The following LPIN1 variants were observed in gnomAD, a reference collection of about 807,000 sequenced individuals.
The protein encoded by LPIN1 is phosphatidate phosphatase LPIN1.
Under a neutral mutation model 107.5 loss-of-function variants are expected in LPIN1, and 71 were observed. That is an observed-to-expected ratio of 0.66 (90% CI 0.55 to 0.80). LPIN1 has a LOEUF of 0.80. Among genes scored for constraint, LPIN1 ranks in the 30% least tolerant of loss-of-function variants. The probability of loss-of-function intolerance (pLI) is 0.00; values close to 1 mark genes in which losing one functional copy is unlikely to be tolerated. For synonymous variants in LPIN1, 445 were observed against 452.6 expected (o/e 0.98, Z 0.21); for missense variants, 1,043 against 1,160.6 (o/e 0.90, Z 1.47).
intron 1 of LPIN1, among the ~76,000 whole-genome samples, chr2:11,754,229 C>A (rs373459063): frequency 6.6e-6 from 1 of 152,208 alleles, no homozygotes; most frequent in Non-Finnish European, 1.5e-5. Context: ...AAGGGGCACC[C>A]CATCCCAGAG....
intron 1 of LPIN1, among the ~76,000 whole-genome samples, chr2:11,677,886 C>T (rs970865439): frequency 3.3e-5 from 5 of 152,260 alleles, no homozygotes; most frequent in African/African-American, 9.6e-5. Flanking sequence ...GATAGGTGAC[C>T]GGCCCCGCTT....
chr2:11,744,724 T>C (rs1315248452), upstream of LPIN1, among the ~76,000 whole-genome samples: 3 of 152,332 alleles, frequency 2.0e-5, no homozygotes, highest in East Asian at 1.9e-4. Context: ...AGTAGACTTC[T>C]TCCCAGGCCA....
chr2:11,818,831 A>G (rs1681036882), intron 18 of LPIN1: 1 of 152,118 alleles, frequency 6.6e-6, no homozygotes, highest in Admixed American at 6.5e-5. Flanking sequence ...GTTAAATTGT[A>G]TCAAATCCTC....
upstream of LPIN1, among the ~76,000 whole-genome samples, chr2:11,719,840 C>T (rs967489275): frequency 9.0e-5 from 13 of 143,918 alleles, no homozygotes; most frequent in African/African-American, 2.8e-4. Flanking sequence ...CATGGATTAG[C>T]GACAGGCACT....
chr2:11,740,901 C>T, intron 1 of LPIN1: 1 of 153,798 alleles, frequency 6.5e-6, no homozygotes, highest in Non-Finnish European at 1.4e-5. Flanking sequence ...GAACAGGGAA[C>T]CACTTAGCTG....
In LPIN1 at chr2:11,803,026, A is replaced by AGCAGCTTGTGAGTCTCCCATGCTTG. The variant is rs1678050052; in HGVS notation, c.2009_2013+20dup. 1 of 1,612,434 alleles carries AGCAGCTTGTGAGTCTCCCATGCTTG rather than the reference A, an allele frequency of 6.2e-7. No homozygotes were observed. The highest frequency in any genetic ancestry group is 8.5e-7 in the Non-Finnish European group (1 of 1,180,022). ...AAGAAGACTCTCCGGCTGACTTCCG[A>AGCAGCTTGTGAGTCTCCCATGCTTG]GCAGCTTGTGAGTCTCCCATGCTTG... is the stretch of plus-strand genomic sequence containing the variant. On this transcript the variant is annotated frameshift_variant, in exon 15 of 21. Coordinates refer to ENST00000674199, the MANE Select transcript of LPIN1 (RefSeq NM_001349206.2). LOFTEE classifies it high-confidence loss of function. This position sits in a 1 kb window ranked among gnomAD's most constrained non-coding sequence, Gnocchi z 4.2.
intron 14 of LPIN1, 104 bp from the exon 15 acceptor site, chr2:11,802,803 C>T: frequency 7.3e-7 from 1 of 1,366,294 alleles, no homozygotes. Context: ...AGACGGGACT[C>T]AGGAGAGACT....
chr2:11,765,282 C>CTGATGGGCTG lies in LPIN1; in HGVS notation c.-9-242_-9-233dup, dbSNP rs1242520687. On this transcript the variant is annotated intron_variant, in intron 1 of 20. Coordinates refer to ENST00000674199, the MANE Select transcript of LPIN1 (RefSeq NM_001349206.2). This position sits in a 1 kb window ranked among gnomAD's most constrained non-coding sequence, Gnocchi z 4.4. ...GGACCCTGATGGGCCGTGATGGACC[C>CTGATGGGCTG]TGATGGGCTGTGATGGGCCGTGATG... is the stretch of plus-strand genomic sequence containing the variant. 7.0e-6 allele frequency among the ~76,000 whole-genome samples: 1 copy of CTGATGGGCTG among 143,032 alleles called. No individual in the cohort carries two copies. Among genetic ancestry groups the CTGATGGGCTG allele is most frequent in the Non-Finnish European group, 1.5e-5 (1 of 65,508 alleles). 93.8% of individuals were successfully genotyped at this position (143,032 alleles called of 152,430 possible). A position where few individuals can be genotyped will look rare whatever the true frequency, so the allele number is the denominator to read the frequency against.
Position 11,784,161 on chromosome 2 carries a change from G to A in LPIN1, c.1358+239G>A. 3 of 751,588 alleles carry A rather than the reference G, an allele frequency of 4.0e-6. No individual in the cohort carries two copies. In the South Asian group the frequency reaches 5.4e-5, roughly 14 times the overall value. 46.6% of individuals were successfully genotyped at this position (751,588 alleles called of 1,614,324 possible). ...TCTACTGAAAATACCAAAATTGGCT[G>A]CACGTGCTGGCATGCACCTGTAATC... On this transcript the variant is annotated intron_variant, in intron 9 of 20. Coordinates refer to ENST00000674199, the MANE Select transcript of LPIN1 (RefSeq NM_001349206.2).
chr2:11,691,084 G>T (rs59246568), intron 1 of LPIN1, among the ~76,000 whole-genome samples: 24,996 of 140,400 alleles, frequency 0.18, 2,770 homozygotes, highest in South Asian at 0.26. Context: ...TCTTGTTGTG[G>T]TTTTTTTTTT....
rs374657618 is a variant in LPIN1 at position 11,691,264 on chromosome 2, G to A, written c.81+13536G>A. ...CTTATAACAGCACTTCCAAGCTCCCGTCTTACAGTGATATGGGGAAATCTG... is the reference window on the plus strand; with the variant it reads ...CTTATAACAGCACTTCCAAGCTCCCATCTTACAGTGATATGGGGAAATCTG... On this transcript the variant is annotated intron_variant, in intron 1 of 21. Coordinates refer to the LPIN1 transcript ENST00000449576. Among the ~76,000 whole-genome samples, 27 of 152,164 alleles carry A rather than the reference G, an allele frequency of 1.8e-4. No homozygotes were observed. In the East Asian group the frequency reaches 3.9e-3, roughly 22 times the overall value.
At chr2:11,704,552 G>A (rs1224960134) in intron 1 of LPIN1, among the ~76,000 whole-genome samples, 1 of 152,182 alleles carries the variant, frequency 6.6e-6, no homozygotes, top group Non-Finnish European at 1.5e-5. Flanking sequence ...ACTAAATCTA[G>A]TTATATCTAG....
At chr2:11,714,473 GA>G (rs1303044509) in intron 2 of LPIN1, among the ~76,000 whole-genome samples, 1 of 152,148 alleles carries the variant, frequency 6.6e-6, no homozygotes, top group East Asian at 1.9e-4. Flanking sequence ...TGGGTGGGGG[GA>G]TATTTTGTTT....
At chr2:11,753,930 A>G (rs888018105) in intron 1 of LPIN1, among the ~76,000 whole-genome samples, 16 of 152,218 alleles carry the variant, frequency 1.1e-4, no homozygotes, top group African/African-American at 3.6e-4. Flanking sequence ...AACACCAGTA[A>G]CAGCGTGATG....
In LPIN1 at chr2:11,791,302, A is replaced by G. The variant is rs1675678684; in HGVS notation, c.1714-612A>G. ...TTGGTCCTGGAATTAACCTCAAGAT[A>G]GATAGGTATTTTGTTCTTTGGAAAA... On this transcript the variant is annotated intron_variant, in intron 12 of 20. Transcript: ENST00000674199. 4.6e-5 allele frequency among the ~76,000 whole-genome samples: 7 copies of G among 152,236 alleles called. No individual in the cohort carries two copies. The South Asian group carries it at 1.4e-3, about 31-fold the overall frequency.
At chr2:11,717,138 G>T (rs1049407172) in intron 2 of LPIN1, among the ~76,000 whole-genome samples, 7 of 152,158 alleles carry the variant, frequency 4.6e-5, no homozygotes, top group African/African-American at 7.2e-5. Context: ...TGATCAAAGC[G>T]ATTTATGTGG....
At chr2:11,718,571 G>T (rs543761080) in intron 2 of LPIN1, among the ~76,000 whole-genome samples, 1 of 152,318 alleles carries the variant, frequency 6.6e-6, no homozygotes, top group African/African-American at 2.4e-5. Flanking sequence ...TTACATTTGA[G>T]TTGGGTTGAA....
rs1255274270 is a variant in LPIN1, at chr2:11,771,376, T to C, written c.293T>C (p.Val98Ala). The change falls in exon 4 of 21, where the codon GTT (valine) becomes GCT (alanine). Residue 98 changes from valine (V) to alanine (A), a missense_variant. Coordinates refer to ENST00000674199, the MANE Select transcript of LPIN1 (RefSeq NM_001349206.2). This position sits in a 1 kb window ranked among gnomAD's most constrained non-coding sequence, Gnocchi z 4.8. ...GAAAATGTGTTCTTTTCTTAGGAAG[T>C]TATCCCTATGCACCTGGCCACCTCC... ...FVQETDNDQEVIPMHLATSPI... is the reference protein window; with the variant it reads ...FVQETDNDQEAIPMHLATSPI... The C allele has an allele frequency of 8.1e-6, 13 of 1,613,998 alleles. No individual in the cohort carries two copies. Among genetic ancestry groups the C allele is most frequent in the Non-Finnish European group, 9.3e-6 (11 of 1,180,000 alleles).
intron 17 of LPIN1, among the ~76,000 whole-genome samples, chr2:11,807,365 A>C (rs1678885819): frequency 6.6e-6 from 1 of 152,220 alleles, no homozygotes; most frequent in Admixed American, 6.5e-5. Flanking sequence ...CTTGTGTGAC[A>C]CTGAAAATTG....
Sources: gnomAD v4.1 joint callset for allele counts (sites outside exome capture counted in the v4.1 genomes callset) on GRCh38, gnomAD v4.1.1 for gene constraint, Gnocchi (gnomAD v3.1) non-coding constraint, MANE v1.5 for transcripts, NCBI Gene and HGNC (gene_info 2026-07-23, HGNC 2026-07-21) for gene names.